Variants in LARP7 observed in about 807,000 individuals in gnomAD.
The protein encoded by LARP7 is La ribonucleoprotein 7, transcriptional regulator, also known as la-related protein 7.
In LARP7, 52 loss-of-function variants were observed where a neutral mutation model predicts 69.3. The ratio of observed to expected loss-of-function variants is 0.75; its 90% confidence interval spans 0.60 to 0.95. The LOEUF is 0.95. LARP7 is among the 40% of genes least tolerant of loss of function. LARP7 has a pLI of 0.00. For missense variants in LARP7, 733 were observed against 673.0 expected, an observed-to-expected ratio of 1.09 and a Z score of -0.99; for synonymous variants, 254 against 215.9, an observed-to-expected ratio of 1.18 and a Z score of -1.55.
chr4:112,653,364 C>T (rs2048832575), intron 11 of LARP7, 128 bp downstream of exon 11: 2 of 635,780 alleles, frequency 3.1e-6, no homozygotes, highest in Non-Finnish European at 4.9e-6. Flanking sequence ...GGCTGGAGTA[C>T]AGTGGTGTGA....
Position 112,647,118 on chromosome 4 carries a change from A to T in LARP7, c.637A>T (p.Arg213Ter). Reference sequence around the variant, plus strand: ...GAAAAATAAGCCCATTCCAGCCTTAAGAGTTGTGGGTGAGTATTTTTCAAT... The same window carrying T: ...GAAAAATAAGCCCATTCCAGCCTTATGAGTTGTGGGTGAGTATTTTTCAAT... Reference protein sequence around the residue: ...TVKNKPIPALRVVEEKKKKKK... With the variant: ...TVKNKPIPAL Residue 213 changes from arginine (R) to a stop codon, truncating the protein, a stop_gained, in exon 6 of 13, where the codon AGA becomes TGA. Coordinates refer to ENST00000344442, the MANE Select transcript of LARP7 (RefSeq NM_016648.4). LOFTEE classifies it high-confidence loss of function. The T allele has an allele frequency of 6.2e-7, 1 of 1,607,404 alleles. No individual in the cohort carries two copies. Among genetic ancestry groups the T allele is most frequent in the South Asian group, 1.1e-5 (1 of 88,696 alleles).
chr4:112,657,231 A>G lies in LARP7; in HGVS notation c.1669-16A>G. 1 of 1,446,206 alleles carries G rather than the reference A, an allele frequency of 6.9e-7. No homozygotes were observed. Among genetic ancestry groups the G allele is most frequent in the Non-Finnish European group, 9.5e-7 (1 of 1,057,550 alleles). The allele number at this position is 1,446,206 out of a possible 1,614,324, so 89.6% of individuals were successfully genotyped here. On this transcript the variant is annotated splice_polypyrimidine_tract_variant and intron_variant, in intron 12 of 12. Coordinates refer to ENST00000344442, the MANE Select transcript of LARP7 (RefSeq NM_016648.4). ...AGTATCCAATACATTTTAATTTTTG[A>G]TTTATTTCTCTTTAGTTAATCACCA...
chr4:112,652,352 G>A (rs1234838409), intron 10 of LARP7, among the ~76,000 whole-genome samples: 8 of 141,086 alleles, frequency 5.7e-5, no homozygotes, highest in Non-Finnish European at 1.5e-5. Flanking sequence ...AATGGAAGTT[G>A]ATGAATTAGG....
chr4:112,648,363 C>A (rs552420111), intron 8 of LARP7: 5 of 534,526 alleles, frequency 9.4e-6, no homozygotes, highest in South Asian at 7.0e-5. Flanking sequence ...CTTGGAGACA[C>A]CTCCACTGAA....
intron 12 of LARP7, 65 bp downstream of exon 12, chr4:112,654,224 A>T: frequency 9.2e-7 from 1 of 1,089,212 alleles, no homozygotes; most frequent in Non-Finnish European, 1.4e-6. Context: ...CAAAGTCAGT[A>T]CTAGGTAGTC....
Position 112,647,565 on chromosome 4 carries a change from T to TTTAATTAGATAAAACTAATTAATTTTAA in LARP7, c.997+25_997+52dup. The TTTAATTAGATAAAACTAATTAATTTTAA allele has an allele frequency of 6.7e-7, 1 of 1,485,258 alleles. No homozygotes were observed. 92.0% of individuals were successfully genotyped at this position (1,485,258 alleles called of 1,614,324 possible). On this transcript the variant is annotated intron_variant, in intron 7 of 12. Coordinates refer to ENST00000344442, the MANE Select transcript of LARP7 (RefSeq NM_016648.4). ...GAAAATAGAGGTAAAACTACAAGGT[T>TTTAATTAGATAAAACTAATTAATTTTAA]TTAATTAGATAAAACTAATTAATTT...
At chr4:112,653,470 C>T (rs572267000) in intron 11 of LARP7, among the ~76,000 whole-genome samples, 3 of 152,048 alleles carry the variant, frequency 2.0e-5, no homozygotes, top group South Asian at 2.1e-4. Flanking sequence ...TTACCACGCC[C>T]GGCTAATTTT....
Position 112,657,246 on chromosome 4 carries a change from G to A in LARP7, c.1669-1G>A. On this transcript the variant is annotated splice_acceptor_variant, in intron 12 of 12. Transcript: ENST00000344442. LOFTEE classifies it high-confidence loss of function. ...TTAATTTTTGATTTATTTCTCTTTA[G>A]TTAATCACCAAAGCTGAAAAGATTA... 1 of 1,514,198 alleles carries A rather than the reference G, an allele frequency of 6.6e-7. No individual in the cohort carries two copies. Among genetic ancestry groups the A allele is most frequent in the Non-Finnish European group, 8.9e-7 (1 of 1,118,846 alleles). The allele number at this position is 1,514,198 out of a possible 1,614,324, so 93.8% of individuals were successfully genotyped here. A position where few individuals can be genotyped will look rare whatever the true frequency, so the allele number is the denominator to read the frequency against.
intron 1 of LARP7, among the ~76,000 whole-genome samples, chr4:112,640,315 TG>T (rs1166943451): frequency 1.3e-5 from 2 of 152,218 alleles, no homozygotes; most frequent in African/African-American, 2.4e-5. Flanking sequence ...CTTTTAAATT[TG>T]TTTTTTTATT....
intron 12 of LARP7, among the ~76,000 whole-genome samples, chr4:112,656,002 G>T (rs976778683): frequency 7.2e-5 from 11 of 152,128 alleles, no homozygotes; most frequent in Non-Finnish European, 1.6e-4. Flanking sequence ...CAGTGAATCT[G>T]CCAAAAGGTT....
At chr4:112,638,814 C>A (rs931316608) in intron 1 of LARP7, among the ~76,000 whole-genome samples, 17 of 152,200 alleles carry the variant, frequency 1.1e-4, no homozygotes, top group African/African-American at 4.1e-4. Flanking sequence ...GTGCTTAAAT[C>A]TTTACCGTGT....
rs563881206 is a variant in LARP7, at chr4:112,639,808, CAA to C, written c.-3+2570_-3+2571del. On this transcript the variant is annotated intron_variant, in intron 1 of 12. Transcript: ENST00000344442. ...CAAAAGTCAAACTGATAGGATTTAA[CAA>C]GAGATTGGATAGAATAATTGGATAG... is the stretch of plus-strand genomic sequence containing the variant. Among the ~76,000 whole-genome samples, 254 of 151,936 alleles carry C rather than the reference CAA, an allele frequency of 1.7e-3. 2 individuals carry two copies. Among genetic ancestry groups the C allele is most frequent in the Middle Eastern group, 3.4e-3 (1 of 294 alleles).
intron 7 of LARP7, 28 bp downstream of exon 7, chr4:112,647,577 AAACT>A: frequency 1.3e-6 from 2 of 1,501,876 alleles, no homozygotes; most frequent in Non-Finnish European, 1.8e-6. Context: ...TAATTAGATA[AAACT>A]AATTAATTTT....
chr4:112,647,253 T>C lies in LARP7; in HGVS notation c.701T>C (p.Ile234Thr), dbSNP rs1159329324. The C allele has an allele frequency of 1.9e-6, 3 of 1,610,118 alleles. No individual in the cohort carries two copies. Among genetic ancestry groups the C allele is most frequent in the Non-Finnish European group, 8.5e-7 (1 of 1,179,100 alleles). ...GGCCGAATGAAAAAGGAAGACAATA[T>C]CCAAGCCAAAGAAGAAAACATGGAC... ...KKGRMKKEDN[I>T]QAKEENMDTS... The change falls in exon 7 of 13, where the codon ATC becomes ACC. Residue 234 changes from isoleucine to threonine, a missense_variant. Transcript: ENST00000344442.
intron 11 of LARP7, 147 bp downstream of exon 11, chr4:112,653,383 C>T (rs1252671169): frequency 4.0e-6 from 2 of 495,444 alleles, no homozygotes; most frequent in African/African-American, 2.0e-5. Flanking sequence ...GATCTCAGCT[C>T]ACCGCATCCT....
intron 1 of LARP7, among the ~76,000 whole-genome samples, chr4:112,641,391 G>GA (rs370133374): frequency 0.044 from 6,262 of 141,584 alleles, 222 homozygotes; most frequent in East Asian, 0.2. Context: ...CCGTCTCAGG[G>GA]AAAAAAAAAA....
At chr4:112,651,274 A>G (rs1333992189) in intron 10 of LARP7, among the ~76,000 whole-genome samples, 1 of 152,174 alleles carries the variant, frequency 6.6e-6, no homozygotes, top group African/African-American at 2.4e-5. Flanking sequence ...ACGTAGACTC[A>G]TCAGTCACAG....
intron 1 of LARP7, among the ~76,000 whole-genome samples, chr4:112,641,877 G>A (rs1304740989): frequency 6.6e-6 from 1 of 152,160 alleles, no homozygotes; most frequent in East Asian, 1.9e-4. Context: ...AATGGGAGAA[G>A]ATAGATTTGT....
chr4:112,642,817 A>G lies in LARP7; in HGVS notation c.-2-1851A>G, dbSNP rs545415151. 3.9e-5 allele frequency among the ~76,000 whole-genome samples: 6 copies of G among 152,354 alleles called. No homozygotes were observed. In the South Asian group the frequency reaches 6.2e-4, roughly 16 times the overall value. On this transcript the variant is annotated intron_variant, in intron 1 of 12. Transcript: ENST00000344442. ...GTGAAAGCTTTAACCTCTTTTGCCT[A>G]TCAATCTGTTGTTCTGGTCACGTAG...
Sources: gnomAD v4.1 joint callset for allele counts (sites outside exome capture counted in the v4.1 genomes callset) on GRCh38, gnomAD v4.1.1 for gene constraint, MANE v1.5 for transcripts, NCBI Gene and HGNC (gene_info 2026-07-23, HGNC 2026-07-21) for gene names.